The following FAM117B variants were observed in gnomAD, a reference collection of about 807,000 sequenced individuals.
The protein encoded by FAM117B is family with sequence similarity 117 member B.
A neutral mutation model predicts 52.8 loss-of-function variants in FAM117B; 22 were observed. That is an observed-to-expected ratio of 0.42 (90% CI 0.30 to 0.59). FAM117B has a LOEUF of 0.59. Ranked by LOEUF, FAM117B falls within the 20% of genes least tolerant of loss-of-function variation. The pLI, the probability that FAM117B is intolerant of heterozygous loss-of-function variation, is 0.22. For missense variants in FAM117B, 678 were observed against 802.6 expected, an observed-to-expected ratio of 0.84 and a Z score of 1.88; for synonymous variants, 309 against 324.1, an observed-to-expected ratio of 0.95 and a Z score of 0.50.
chr2:202,643,707 TTTTC>T (rs1574538085), intron 1 of FAM117B, among the ~76,000 whole-genome samples: 1 of 151,994 alleles, frequency 6.6e-6, no homozygotes, highest in Non-Finnish European at 1.5e-5. Flanking sequence ...ACACATTTCT[TTTTC>T]TTTCTTTCTT....
At chr2:202,749,543 T>A (rs1382021307) in intron 4 of FAM117B, among the ~76,000 whole-genome samples, 1 of 152,176 alleles carries the variant, frequency 6.6e-6, no homozygotes, top group Non-Finnish European at 1.5e-5. Context: ...GAAGAGTTTT[T>A]ATAAAATTAT....
chr2:202,716,446 GTC>G (rs1349024160), intron 2 of FAM117B, among the ~76,000 whole-genome samples: 1 of 151,486 alleles, frequency 6.6e-6, no homozygotes, highest in African/African-American at 2.4e-5. Flanking sequence ...TTGTTTTGTG[GTC>G]TTCCTTCTTT....
At chr2:202,671,596 A>C (rs1308815319) in intron 1 of FAM117B, among the ~76,000 whole-genome samples, 1 of 152,204 alleles carries the variant, frequency 6.6e-6, no homozygotes. Flanking sequence ...TGTTCTCCAC[A>C]CTGGCTGTGA....
intron 1 of FAM117B, among the ~76,000 whole-genome samples, chr2:202,642,385 TGA>T (rs1289532029): frequency 6.1e-5 from 9 of 147,526 alleles, no homozygotes; most frequent in African/African-American, 2.3e-4. Flanking sequence ...GAGTGTGACT[TGA>T]GATAGGAGAA....
intron 4 of FAM117B, among the ~76,000 whole-genome samples, chr2:202,754,903 A>AAAG (rs1691779219): frequency 6.6e-6 from 1 of 151,240 alleles, no homozygotes; most frequent in Admixed American, 6.6e-5. Flanking sequence ...AAAAAAAAAA[A>AAAG]AAAAGAGGCT....
At chr2:202,685,733 TA>T (rs1690529486) in intron 1 of FAM117B, among the ~76,000 whole-genome samples, 1 of 152,144 alleles carries the variant, frequency 6.6e-6, no homozygotes, top group Admixed American at 6.6e-5. Flanking sequence ...GATATCCATA[TA>T]GGGGAGGGGG....
chr2:202,735,606 C>T (rs1397807656), intron 4 of FAM117B, among the ~76,000 whole-genome samples: 5 of 152,018 alleles, frequency 3.3e-5, no homozygotes, highest in Non-Finnish European at 7.4e-5. Context: ...ATGACAAAAC[C>T]GTCAGATGTT....
intron 1 of FAM117B, among the ~76,000 whole-genome samples, chr2:202,693,807 C>G (rs1338730620): frequency 6.6e-6 from 1 of 152,124 alleles, no homozygotes; most frequent in African/African-American, 2.4e-5. Flanking sequence ...TGTGTCCAAT[C>G]ATCTTCTCAT....
intron 2 of FAM117B, among the ~76,000 whole-genome samples, chr2:202,709,818 TTG>T (rs1690931570): frequency 6.6e-6 from 1 of 152,172 alleles, no homozygotes; most frequent in South Asian, 2.1e-4. Context: ...AAGTTGATTT[TTG>T]TATGGGGTAA....
chr2:202,676,825 T>G (rs191630730), intron 1 of FAM117B, among the ~76,000 whole-genome samples: 1 of 152,204 alleles, frequency 6.6e-6, no homozygotes, highest in Non-Finnish European at 1.5e-5. Flanking sequence ...TTGAAAGAAT[T>G]TTGTCCGTCA....
At chr2:202,691,752 C>G (rs938474143) in intron 1 of FAM117B, among the ~76,000 whole-genome samples, 1 of 151,330 alleles carries the variant, frequency 6.6e-6, no homozygotes, top group Non-Finnish European at 1.5e-5. Flanking sequence ...GCGACTATCC[C>G]GAAAGGGATT....
At chr2:202,683,215 G>A (rs1417685567) in intron 1 of FAM117B, among the ~76,000 whole-genome samples, 1 of 151,992 alleles carries the variant, frequency 6.6e-6, no homozygotes, top group Non-Finnish European at 1.5e-5. Flanking sequence ...GTAATCCCAG[G>A]TACTCAGGAG....
intron 1 of FAM117B, among the ~76,000 whole-genome samples, chr2:202,670,988 G>T (rs1317283247): frequency 6.6e-6 from 1 of 152,180 alleles, no homozygotes; most frequent in Non-Finnish European, 1.5e-5. Flanking sequence ...ACTAATTTTT[G>T]AAAGCTTGAA....
intron 1 of FAM117B, among the ~76,000 whole-genome samples, chr2:202,686,537 C>T (rs773074339): frequency 1.9e-4 from 29 of 152,174 alleles, no homozygotes; most frequent in Non-Finnish European, 7.4e-5. Context: ...AGAGGCTGAG[C>T]GCGGTGGCTC....
At position 202,766,207 on chromosome 2, in the gene FAM117B, ACAT is replaced by A. The variant is rs1365924054; in HGVS notation, c.*444_*446del. ...GACTATTTTATAATATACCAATGTT[ACAT>A]TTTCTGAAACGTAGCAAACAGGATA... On this transcript the variant is annotated 3_prime_UTR_variant, in exon 8 of 8. Coordinates refer to ENST00000392238, the MANE Select transcript of FAM117B (RefSeq NM_173511.4). 1.3e-5 allele frequency: 2 copies of A among 154,192 alleles called. No homozygotes were observed. The highest frequency in any genetic ancestry group is 4.8e-5 in the African/African-American group (2 of 41,454). 9.6% of individuals were successfully genotyped at this position (154,192 alleles called of 1,614,324 possible).
At chr2:202,696,519 GT>G (rs1464096802) in intron 2 of FAM117B, among the ~76,000 whole-genome samples, 4 of 152,168 alleles carry the variant, frequency 2.6e-5, no homozygotes, top group Non-Finnish European at 5.9e-5. Context: ...TGGGCCGCAG[GT>G]TTTGGACAAG....
chr2:202,689,310 C>T (rs989073762), intron 1 of FAM117B, among the ~76,000 whole-genome samples: 1 of 151,996 alleles, frequency 6.6e-6, no homozygotes, highest in Non-Finnish European at 1.5e-5. Context: ...GGCGTAGTGG[C>T]GTACGCCTGG....
chr2:202,704,504 A>G (rs777570756), intron 2 of FAM117B, among the ~76,000 whole-genome samples: 80 of 152,196 alleles, frequency 5.3e-4, no homozygotes, highest in Non-Finnish European at 1.0e-3. Flanking sequence ...AGCAAAGAGT[A>G]TGTTGGAAAT....
intron 2 of FAM117B, among the ~76,000 whole-genome samples, chr2:202,715,866 G>T (rs539955985): frequency 6.6e-6 from 1 of 152,236 alleles, no homozygotes; most frequent in African/African-American, 2.4e-5. Context: ...GATCACTTGC[G>T]GTTAGGAGAT....
Sources: gnomAD v4.1 joint callset for allele counts (sites outside exome capture counted in the v4.1 genomes callset) on GRCh38, gnomAD v4.1.1 for gene constraint, MANE v1.5 for transcripts, NCBI Gene and HGNC (gene_info 2026-07-23, HGNC 2026-07-21) for gene names.